The following STXBP2 variants were observed in gnomAD, a reference collection of about 807,000 sequenced individuals.
The protein encoded by STXBP2 is syntaxin-binding protein 2.
In STXBP2, 47 loss-of-function variants were observed where a neutral mutation model predicts 72.2. The observed-to-expected ratio is 0.65, with a 90% CI of 0.51 to 0.83. The LOEUF is 0.83. STXBP2 is among the 40% of genes least tolerant of loss of function. The pLI is 0.00. For missense variants in STXBP2, 702 were observed against 807.6 expected (o/e 0.87, Z 1.58); for synonymous variants, 367 against 338.7 (o/e 1.08, Z -0.92).
intron 14 of STXBP2, 69 bp downstream of exon 14, chr19:7,644,821 T>C: frequency 6.2e-7 from 1 of 1,609,902 alleles, no homozygotes; most frequent in Non-Finnish European, 8.5e-7. Flanking sequence ...TGGGAACTGC[T>C]GAACCCCACA....
At chr19:7,645,728 GTC>G (rs2032107055) in intron 15 of STXBP2, among the ~76,000 whole-genome samples, 1 of 151,924 alleles carries the variant, frequency 6.6e-6, no homozygotes, top group Non-Finnish European at 1.5e-5. Flanking sequence ...AGCCTCTCCT[GTC>G]TCTCTCTGGC....
At chr19:7,646,115 C>G (rs948437575) in intron 15 of STXBP2, 134 bp from the exon 16 acceptor site, 26 of 685,878 alleles carry the variant, frequency 3.8e-5, no homozygotes, top group Non-Finnish European at 5.7e-5. Flanking sequence ...GTCTCTCGCT[C>G]TCTCTCGCTC....
Position 7,640,966 on chromosome 19 carries a change from A to G in STXBP2, c.392A>G (p.Lys131Arg). The G allele has an allele frequency of 1.9e-6, 3 of 1,614,198 alleles. No individual in the cohort carries two copies. Among genetic ancestry groups the G allele is most frequent in the Non-Finnish European group, 2.5e-6 (3 of 1,180,016 alleles). ...SRLAKVVKTL[K>R]EIHLAFLPYE... ...CTGGCAAAGGTGGTGAAGACGTTGA[A>G]GGAGATTCACCTTGCCTTCCTCCCC... The change falls in exon 6 of 19, where the codon AAG (lysine) becomes AGG (arginine). Residue 131 changes from lysine (K) to arginine (R), a missense_variant. Physicochemically the swap from Lys to Arg is conservative, Grantham distance 26 (BLOSUM62 2). Transcript: ENST00000221283.
intron 16 of STXBP2, 54 bp from the exon 17 acceptor site, chr19:7,647,108 G>C: frequency 6.3e-7 from 1 of 1,596,250 alleles, no homozygotes; most frequent in Non-Finnish European, 8.5e-7. Context: ...GGGCACTCCT[G>C]ACCCCGGACC....
At chr19:7,631,410 G>A in the STXBP2 span, 3 of 821,206 alleles carry the variant, frequency 3.7e-6, no homozygotes, top group African/African-American at 2.2e-5. Flanking sequence ...GGGGGGGGGT[G>A]GTCCCGGCTC....
intron 1 of STXBP2, among the ~76,000 whole-genome samples, 162 bp from the exon 2 acceptor site, chr19:7,638,564 T>C (rs1220843416): frequency 6.6e-6 from 1 of 151,238 alleles, no homozygotes; most frequent in Non-Finnish European, 1.5e-5. Flanking sequence ...ATCACACCAC[T>C]GCACTTTAGC....
chr19:7,636,094 C>T (rs982867764), upstream of STXBP2, among the ~76,000 whole-genome samples: 1 of 152,154 alleles, frequency 6.6e-6, no homozygotes, highest in African/African-American at 2.4e-5. Flanking sequence ...CTTGTTGTCA[C>T]ATTAGTTTAT....
intron 4 of STXBP2, chr19:7,640,121 C>A (rs548707258): frequency 3.9e-6 from 2 of 517,702 alleles, no homozygotes; most frequent in Non-Finnish European, 7.2e-6. Context: ...TGTGTGTATG[C>A]GTGTGTATGT....
rs2032076386 is a variant in STXBP2, at chr19:7,645,015, G to T, written c.1247-182G>T. On this transcript the variant is annotated intron_variant, in intron 14 of 18. Coordinates refer to ENST00000221283, the MANE Select transcript of STXBP2 (RefSeq NM_006949.4). ...GGGCTCCCTCAGCTCATCTGGAGGA[G>T]CCCCTGATCTACCCCCTCCAGGTTT... 72 of 1,449,466 alleles carry T rather than the reference G, an allele frequency of 5.0e-5. No individual in the cohort carries two copies. The South Asian group carries it at 9.5e-4, about 19-fold the overall frequency. The allele number at this position is 1,449,466 out of a possible 1,614,324, so 89.8% of individuals were successfully genotyped here. A position where few individuals can be genotyped will look rare whatever the true frequency, so the allele number is the denominator to read the frequency against.
At chr19:7,635,023 G>A (rs187942417), upstream of STXBP2, among the ~76,000 whole-genome samples, 3 of 152,352 alleles carry the variant, frequency 2.0e-5, no homozygotes, top group East Asian at 5.8e-4. Flanking sequence ...GTGACCTCAT[G>A]CTCACTGCTA....
At chr19:7,633,608 C>T, upstream of STXBP2, 1 of 705,906 alleles carries the variant, frequency 1.4e-6, no homozygotes, top group East Asian at 2.8e-5. Flanking sequence ...AGCTTAAGCC[C>T]CATAAAGATC....
Position 7,641,647 on chromosome 19 carries a change from C to A in STXBP2, c.430-58C>A, listed in dbSNP as rs1284317917. 8 of 1,548,018 alleles carry A rather than the reference C, an allele frequency of 5.2e-6. No individual in the cohort carries two copies. The African/African-American group carries it at 1.1e-4, about 21-fold the overall frequency. On this transcript the variant is annotated intron_variant, in intron 6 of 18. Coordinates refer to ENST00000221283, the MANE Select transcript of STXBP2 (RefSeq NM_006949.4). ...AGGTGCAGGTGGCGGCAGCGGGAAG[C>A]GGGGCAGGTGTGCACCTGCAGCGGC...
chr19:7,646,962 G>A, intron 16 of STXBP2, 200 bp from the exon 17 acceptor site: 2 of 608,240 alleles, frequency 3.3e-6, no homozygotes, highest in Admixed American at 2.9e-5. Flanking sequence ...AGATTCGTGG[G>A]TCCCCAGTGA....
Position 7,643,186 on chromosome 19 carries a change from G to T in STXBP2, c.1048G>T (p.Ala350Ser). The T allele has an allele frequency of 6.2e-7, 1 of 1,614,122 alleles. No individual in the cohort carries two copies. Among genetic ancestry groups the T allele is most frequent in the South Asian group, 1.1e-5 (1 of 91,086 alleles). Residue 350 changes from alanine to serine, a missense_variant, in exon 13 of 19, where the codon GCA (alanine) becomes TCA (serine). Transcript: ENST00000221283. ...GCAGTATTCTACGCACCTGCATCTA[G>T]CAGATGATTGTATGAAGCACTTCAA... ...LNKYSTHLHLADDCMKHFKGS... is the reference protein window; with the variant it reads ...LNKYSTHLHLSDDCMKHFKGS...
At chr19:7,641,180 A>G (rs1013692927) in intron 6 of STXBP2, 177 bp downstream of exon 6, 1 of 707,506 alleles carries the variant, frequency 1.4e-6, no homozygotes, top group Non-Finnish European at 2.5e-6. Flanking sequence ...GCCTGGGTAC[A>G]GAGCAAGACC....
chr19:7,647,103 C>CCCCCCGGACCCCATGCCTGGGG, intron 16 of STXBP2, 59 bp from the exon 17 acceptor site: 1 of 1,583,794 alleles, frequency 6.3e-7, no homozygotes, highest in Non-Finnish European at 8.6e-7. Flanking sequence ...GTGGGGGGCA[C>CCCCCCGGACCCCATGCCTGGGG]TCCTGACCCC....
chr19:7,631,912 CATT>C, upstream of STXBP2: 1 of 1,148,074 alleles, frequency 8.7e-7, no homozygotes, highest in East Asian at 2.8e-5. Context: ...TGTCCCACCT[CATT>C]GTGAGCACTG....
chr19:7,636,459 T>G (rs2031537833), upstream of STXBP2: 1 of 152,164 alleles, frequency 6.6e-6, no homozygotes, highest in Non-Finnish European at 1.5e-5. Flanking sequence ...GGGTAAGCGT[T>G]GCGCCTCCCG....
chr19:7,630,839 C>G, the STXBP2 span: 1 of 1,537,236 alleles, frequency 6.5e-7, no homozygotes, highest in East Asian at 2.4e-5. Flanking sequence ...CTGTGGCCAC[C>G]TGAGAAGGTA....
Sources: gnomAD v4.1 joint callset for allele counts (sites outside exome capture counted in the v4.1 genomes callset) on GRCh38, gnomAD v4.1.1 for gene constraint, MANE v1.5 for transcripts, NCBI Gene and HGNC (gene_info 2026-07-23, HGNC 2026-07-21) for gene names.